The following TBC1D4 variants were observed in gnomAD, a reference collection of about 807,000 sequenced individuals.
TBC1D4 encodes TBC (Tre-2, BUB2, CDC16) domain-containing protein.
A neutral mutation model predicts 142.5 loss-of-function variants in TBC1D4; 121 were observed. The ratio of observed to expected loss-of-function variants is 0.85; its 90% CI spans 0.73 to 0.99. The LOEUF is 0.99. Among genes scored for constraint, TBC1D4 ranks in the 50% least tolerant of loss-of-function variants. The pLI is 0.00. For synonymous variants in TBC1D4, 630 were observed against 628.2 expected (o/e 1.00, Z -0.04); for missense variants, 1,475 against 1,606.6 (o/e 0.92, Z 1.40).
intron 17 of TBC1D4, among the ~76,000 whole-genome samples, chr13:75,297,859 G>A (rs190905271): frequency 6.6e-5 from 10 of 151,748 alleles, no homozygotes; most frequent in African/African-American, 1.5e-4. Context: ...TTAAACCTAC[G>A]AATAGTCATC....
intron 1 of TBC1D4, among the ~76,000 whole-genome samples, chr13:75,409,923 T>G: frequency 6.6e-6 from 1 of 152,326 alleles, no homozygotes; most frequent in Middle Eastern, 3.4e-3. Flanking sequence ...AATCCAAAAT[T>G]TCTTTCAAAT....
intron 1 of TBC1D4, among the ~76,000 whole-genome samples, chr13:75,370,971 C>T (rs1285991298): frequency 6.6e-6 from 1 of 152,034 alleles, no homozygotes; most frequent in African/African-American, 2.4e-5. Context: ...ACAGTGCTTA[C>T]AGTTTGAAAG....
chr13:75,384,294 G>T (rs970917412), intron 1 of TBC1D4, among the ~76,000 whole-genome samples: 17 of 151,848 alleles, frequency 1.1e-4, no homozygotes, highest in African/African-American at 4.1e-4. Flanking sequence ...AAATTAGCTG[G>T]GCATGCTGGT....
chr13:75,390,057 G>C (rs529373032), intron 1 of TBC1D4, among the ~76,000 whole-genome samples: 43 of 152,016 alleles, frequency 2.8e-4, no homozygotes, highest in African/African-American at 1.0e-3. Context: ...AGGCAGATCA[G>C]TTGGGGTCAG....
chr13:75,385,835 A>G (rs1884136457), intron 1 of TBC1D4, among the ~76,000 whole-genome samples: 1 of 152,218 alleles, frequency 6.6e-6, no homozygotes, highest in Non-Finnish European at 1.5e-5. Flanking sequence ...CACTCATAAA[A>G]TCATGTTAAC....
chr13:75,419,498 TC>T (rs1238549774), intron 1 of TBC1D4, among the ~76,000 whole-genome samples: 2 of 152,206 alleles, frequency 1.3e-5, no homozygotes, highest in Non-Finnish European at 2.9e-5. Context: ...GAGGCATACC[TC>T]GAAGTTGTAT....
In TBC1D4 at chr13:75,286,152, G is replaced by A. The variant is rs1874641818; in HGVS notation, c.*640C>T. On this transcript the variant is annotated 3_prime_UTR_variant, in exon 21 of 21. Coordinates refer to ENST00000377636, the MANE Select transcript of TBC1D4 (RefSeq NM_014832.5). ...ATGCCTAACCAGACTCATAATGCAT[G>A]TAGATGCAACATGCTAGTTGGCACA... The A allele has an allele frequency of 1.3e-5, 2 of 153,214 alleles. No individual in the cohort carries two copies. The highest frequency in any genetic ancestry group is 2.9e-5 in the Non-Finnish European group (2 of 68,572). The allele number at this position is 153,214 out of a possible 1,614,324, so 9.5% of individuals were successfully genotyped here.
chr13:75,463,969 C>T (rs1295172079), intron 1 of TBC1D4, among the ~76,000 whole-genome samples: 1 of 152,176 alleles, frequency 6.6e-6, no homozygotes, highest in African/African-American at 2.4e-5. Context: ...AAAACCAACT[C>T]AACTCATGTA....
intron 12 of TBC1D4, among the ~76,000 whole-genome samples, chr13:75,316,941 T>C (rs1169637262): frequency 2.0e-5 from 3 of 152,184 alleles, no homozygotes; most frequent in African/African-American, 7.2e-5. Context: ...ATAATAAAGC[T>C]AAGACTCTCA....
chr13:75,320,029 G>A lies in TBC1D4; in HGVS notation c.2207C>T (p.Thr736Ile). 2.5e-6 allele frequency: 4 copies of A among 1,613,354 alleles called. No individual in the cohort carries two copies. The highest frequency in any genetic ancestry group is 3.4e-6 in the Non-Finnish European group (4 of 1,179,628). Residue 736 changes from threonine (T) to isoleucine (I), a missense_variant, in exon 12 of 21, where the codon ACT (threonine) becomes ATT (isoleucine). Physicochemically the swap from Thr to Ile is moderately conservative, Grantham distance 89. Around this residue, in one of 2 missense-constraint regions of TBC1D4, gnomAD observed 1,227 missense variants for 1,267.7 expected, o/e 0.97. Transcript: ENST00000377636. ...CTCTAATCACCTTGATTCTGAAGCA[G>A]TGTCTTGTCTGGTACAACAGGAAAA... ...PQYENEIRQD[T>I]ASESSDGEGR...
At chr13:75,306,581 G>C in intron 14 of TBC1D4, 110 bp from the exon 15 acceptor site, 1 of 1,295,238 alleles carries the variant, frequency 7.7e-7, no homozygotes, top group Non-Finnish European at 1.1e-6. Flanking sequence ...GAATCAACTG[G>C]TAGTGTATCT....
At chr13:75,381,953 G>A (rs1883875022) in intron 1 of TBC1D4, among the ~76,000 whole-genome samples, 1 of 152,182 alleles carries the variant, frequency 6.6e-6, no homozygotes, top group Non-Finnish European at 1.5e-5. Flanking sequence ...ATATACTAGA[G>A]ACACAACATA....
chr13:75,308,025 C>T (rs1457351534), intron 14 of TBC1D4, among the ~76,000 whole-genome samples: 5 of 152,104 alleles, frequency 3.3e-5, no homozygotes, highest in South Asian at 2.1e-4. Flanking sequence ...AAAATAATCA[C>T]GAGCATCTGC....
At chr13:75,475,248 T>A (rs112523111) in intron 1 of TBC1D4, among the ~76,000 whole-genome samples, 1 of 152,240 alleles carries the variant, frequency 6.6e-6, no homozygotes, top group African/African-American at 2.4e-5. Flanking sequence ...GTATACATAT[T>A]TTATGCAGAC....
At chr13:75,401,082 G>T (rs192386012) in intron 1 of TBC1D4, among the ~76,000 whole-genome samples, 20 of 152,152 alleles carry the variant, frequency 1.3e-4, no homozygotes, top group Admixed American at 1.2e-3. Flanking sequence ...ATGATCTCTT[G>T]ATCTCTCATC....
chr13:75,378,618 A>T (rs760679805), intron 1 of TBC1D4, among the ~76,000 whole-genome samples: 2 of 152,146 alleles, frequency 1.3e-5, no homozygotes, highest in Non-Finnish European at 2.9e-5. Context: ...GCTGTGTAGG[A>T]ATGAGGACCT....
rs1874466399 is a variant in TBC1D4, at chr13:75,283,762, T to G, written c.*3030A>C. Among the ~76,000 whole-genome samples, 1 of 152,180 alleles carries G rather than the reference T, an allele frequency of 6.6e-6. No individual in the cohort carries two copies. Among genetic ancestry groups the G allele is most frequent in the Non-Finnish European group, 1.5e-5 (1 of 68,030 alleles). ...CAAAAGTCTCCATTGAGAAAGTAAG[T>G]TGAAAAATGGTAACAATGTACTTAC... On this transcript the variant is annotated 3_prime_UTR_variant, in exon 21 of 21. Coordinates refer to ENST00000377636, the MANE Select transcript of TBC1D4 (RefSeq NM_014832.5).
chr13:75,376,463 C>T (rs1447034413), intron 1 of TBC1D4, among the ~76,000 whole-genome samples: 5 of 151,380 alleles, frequency 3.3e-5, no homozygotes, highest in East Asian at 3.9e-4. Flanking sequence ...CTGCAACCTC[C>T]GCCTCCCGGG....
chr13:75,425,620 G>A (rs528491542), intron 1 of TBC1D4, among the ~76,000 whole-genome samples: 2 of 152,294 alleles, frequency 1.3e-5, no homozygotes, highest in African/African-American at 4.8e-5. Flanking sequence ...CATACACAAT[G>A]GAATGCTATT....
Sources: gnomAD v4.1 joint callset for allele counts (sites outside exome capture counted in the v4.1 genomes callset) on GRCh38, gnomAD v4.1.1 for gene constraint, gnomAD v4.1.1 regional missense constraint, MANE v1.5 for transcripts, NCBI Gene and HGNC (gene_info 2026-07-23, HGNC 2026-07-21) for gene names.